Variants in MBOAT1 observed in about 807,000 individuals in gnomAD.
MBOAT1 encodes membrane-bound glycerophospholipid O-acyltransferase 1.
Under a neutral mutation model 64.4 loss-of-function variants are expected in MBOAT1, and 67 were observed. That is an observed-to-expected ratio of 1.04 (90% confidence interval 0.85 to 1.27). The LOEUF (loss-of-function observed/expected upper bound fraction) is 1.27, where lower values mean the gene tolerates loss of function less well. Among genes scored for constraint, MBOAT1 ranks in the 50% most tolerant of loss-of-function variants. The probability of loss-of-function intolerance (pLI) is 0.00; values close to 1 mark genes in which losing one functional copy is unlikely to be tolerated. For synonymous variants in MBOAT1, 229 were observed against 218.9 expected (o/e 1.05, Z -0.41); for missense variants, 563 against 604.6 (o/e 0.93, Z 0.72).
chr6:20,135,961 T>C (rs1760978526), intron 4 of MBOAT1, among the ~76,000 whole-genome samples: 1 of 152,210 alleles, frequency 6.6e-6, no homozygotes, highest in Non-Finnish European at 1.5e-5. Context: ...AGCTCGGACC[T>C]GGTAGCGAGG....
At chr6:20,199,199 G>C (rs1763050966) in intron 1 of MBOAT1, among the ~76,000 whole-genome samples, 1 of 152,084 alleles carries the variant, frequency 6.6e-6, no homozygotes. Context: ...GCTTGATTCG[G>C]GAATCATTTA....
At chr6:20,156,188 GC>G (rs1761675834) in intron 1 of MBOAT1, among the ~76,000 whole-genome samples, 1 of 151,146 alleles carries the variant, frequency 6.6e-6, no homozygotes. Flanking sequence ...GGAGAATGGC[GC>G]GAACCTGGGA....
intron 1 of MBOAT1, among the ~76,000 whole-genome samples, chr6:20,168,483 GACAGAGAC>G (rs1159024995): frequency 1.3e-3 from 170 of 128,616 alleles, no homozygotes; most frequent in African/African-American, 5.3e-3. Context: ...CAGAGACAGA[GACAGAGAC>G]AGAGAGAGAG....
At chr6:20,105,634 C>T (rs1303051665) in intron 12 of MBOAT1, among the ~76,000 whole-genome samples, 1 of 152,110 alleles carries the variant, frequency 6.6e-6, no homozygotes. Flanking sequence ...TGCGGTCGCA[C>T]GTGCCTGTAA....
intron 1 of MBOAT1, among the ~76,000 whole-genome samples, chr6:20,175,397 T>C (rs1487374284): frequency 5.9e-5 from 9 of 151,898 alleles, no homozygotes; most frequent in Non-Finnish European, 1.3e-4. Flanking sequence ...TAGCTAGGAC[T>C]AGAGGCACGA....
At chr6:20,197,539 C>T (rs936077046) in intron 1 of MBOAT1, among the ~76,000 whole-genome samples, 1 of 152,124 alleles carries the variant, frequency 6.6e-6, no homozygotes, top group Non-Finnish European at 1.5e-5. Context: ...CTCTATGCTC[C>T]CCTCACATGT....
intron 1 of MBOAT1, among the ~76,000 whole-genome samples, chr6:20,167,681 C>A (rs1017958268): frequency 1.3e-5 from 2 of 152,182 alleles, no homozygotes; most frequent in Middle Eastern, 3.2e-3. Flanking sequence ...TGAAGTTAGA[C>A]AGCTTGAGAT....
rs1248207499 is a variant in MBOAT1, at chr6:20,187,679, A to G, written c.99+24457T>C. Among the ~76,000 whole-genome samples the G allele has an allele frequency of 2.0e-5, 3 of 152,374 alleles. No homozygotes were observed. The East Asian group carries it at 5.8e-4, about 29-fold the overall frequency. On this transcript the variant is annotated intron_variant, in intron 1 of 12. Coordinates refer to ENST00000324607, the MANE Select transcript of MBOAT1 (RefSeq NM_001080480.3). ...TGAATATGAAAGAATAAGTCAAAAA[A>G]AGAATAATGCCTATGGTCAGGTAAA...
chr6:20,203,295 CA>C (rs199842098), intron 1 of MBOAT1, among the ~76,000 whole-genome samples: 169 of 139,106 alleles, frequency 1.2e-3, no homozygotes, highest in Middle Eastern at 3.6e-3. Context: ...ACAACTGGGC[CA>C]AAAAAAAAAA....
At chr6:20,173,270 G>A (rs2113729301) in intron 1 of MBOAT1, among the ~76,000 whole-genome samples, 1 of 152,004 alleles carries the variant, frequency 6.6e-6, no homozygotes, top group South Asian at 2.1e-4. Flanking sequence ...ATTCTATGAA[G>A]AAAATGTGAG....
chr6:20,182,587 C>G (rs1298742873), intron 1 of MBOAT1, among the ~76,000 whole-genome samples: 1 of 152,170 alleles, frequency 6.6e-6, no homozygotes, highest in Non-Finnish European at 1.5e-5. Flanking sequence ...GAGACCCTTT[C>G]TCCCAGGCGA....
At chr6:20,144,615 G>C (rs1186435064) in intron 3 of MBOAT1, among the ~76,000 whole-genome samples, 1 of 152,226 alleles carries the variant, frequency 6.6e-6, no homozygotes, top group Non-Finnish European at 1.5e-5. Flanking sequence ...CACCTGGTAG[G>C]TGTAATGGCA....
At chr6:20,112,745 T>A (rs551621592) in intron 11 of MBOAT1, 131 bp downstream of exon 11, 4 of 953,858 alleles carry the variant, frequency 4.2e-6, no homozygotes, top group Non-Finnish European at 6.3e-6. Context: ...CTCTTGCATA[T>A]TGTTTGATTT....
intron 1 of MBOAT1, among the ~76,000 whole-genome samples, chr6:20,211,415 G>A (rs1475382899): frequency 6.6e-6 from 1 of 152,178 alleles, no homozygotes; most frequent in African/African-American, 2.4e-5. Context: ...ACAAGGAAAT[G>A]AGTAAGACGG....
chr6:20,106,681 C>G (rs1759968505), intron 12 of MBOAT1, among the ~76,000 whole-genome samples: 1 of 152,188 alleles, frequency 6.6e-6, no homozygotes, highest in Non-Finnish European at 1.5e-5. Context: ...CTCTGCCTCC[C>G]AAAGTGCTGG....
chr6:20,198,347 C>CCG (rs2113766467), intron 1 of MBOAT1, among the ~76,000 whole-genome samples: 1 of 152,294 alleles, frequency 6.6e-6, no homozygotes, highest in East Asian at 1.9e-4. Flanking sequence ...CTTGAAATGC[C>CCG]CGTGAGACCC....
At chr6:20,198,071 C>CA (rs1763007485) in intron 1 of MBOAT1, among the ~76,000 whole-genome samples, 3 of 151,152 alleles carry the variant, frequency 2.0e-5, no homozygotes, top group Admixed American at 6.6e-5. Flanking sequence ...ACTAAAAATA[C>CA]AAAAAAATTA....
At chr6:20,116,992 C>T (rs757576778) in intron 9 of MBOAT1, among the ~76,000 whole-genome samples, 4 of 152,138 alleles carry the variant, frequency 2.6e-5, no homozygotes, top group African/African-American at 4.8e-5. Context: ...CTCTCTCTGA[C>T]GTCATCTATA....
At chr6:20,136,030 C>T (rs1760980758) in intron 4 of MBOAT1, among the ~76,000 whole-genome samples, 1 of 152,170 alleles carries the variant, frequency 6.6e-6, no homozygotes. Flanking sequence ...CTCTCCTATA[C>T]CCTCCCCACA....
Sources: gnomAD v4.1 joint callset for allele counts (sites outside exome capture counted in the v4.1 genomes callset) on GRCh38, gnomAD v4.1.1 for gene constraint, MANE v1.5 for transcripts, NCBI Gene and HGNC (gene_info 2026-07-23, HGNC 2026-07-21) for gene names.